The following CSMD1 variants were observed in gnomAD, a reference collection of about 807,000 sequenced individuals.
CSMD1 encodes CUB and sushi domain-containing protein 1.
In CSMD1, 213 loss-of-function variants were observed where a neutral mutation model predicts 417.5. That is an observed-to-expected ratio of 0.51 (90% CI 0.46 to 0.57). CSMD1 has a LOEUF of 0.57. CSMD1 is among the 20% of genes least tolerant of loss of function. The probability of loss-of-function intolerance (pLI) is 0.00; values close to 1 mark genes in which losing one functional copy is unlikely to be tolerated. For missense variants in CSMD1, 6,923 were observed against 4,529.7 expected (o/e 1.53, Z -15.17); for synonymous variants, 2,862 against 1,736.8 (o/e 1.65, Z -16.11).
intron 68 of CSMD1, among the ~76,000 whole-genome samples, chr8:2,947,580 A>G (rs1186092811): frequency 6.6e-6 from 1 of 152,216 alleles, no homozygotes; most frequent in African/African-American, 2.4e-5. Context: ...ATGCAAAGAA[A>G]ACGTGTAATA....
chr8:4,130,117 G>C (rs915429024), intron 3 of CSMD1, among the ~76,000 whole-genome samples: 3 of 152,114 alleles, frequency 2.0e-5, no homozygotes, highest in Non-Finnish European at 2.9e-5. Flanking sequence ...TCACCATGGA[G>C]TCACTGTCAG....
At chr8:4,914,017 T>C (rs1302382386) in intron 1 of CSMD1, among the ~76,000 whole-genome samples, 1 of 152,226 alleles carries the variant, frequency 6.6e-6, no homozygotes, top group Non-Finnish European at 1.5e-5. Context: ...GGTGTGATGC[T>C]GCAGTTTCTT....
intron 1 of CSMD1, among the ~76,000 whole-genome samples, chr8:4,898,307 C>A (rs935464987): frequency 6.6e-6 from 1 of 152,074 alleles, no homozygotes; most frequent in Non-Finnish European, 1.5e-5. Flanking sequence ...TTCCAAGACA[C>A]CTGTCATCTT....
At chr8:3,896,675 T>A (rs1241201760) in intron 5 of CSMD1, among the ~76,000 whole-genome samples, 1 of 151,940 alleles carries the variant, frequency 6.6e-6, no homozygotes, top group Non-Finnish European at 1.5e-5. Context: ...CCACACTGGC[T>A]AATTTTTCTT....
At chr8:4,499,654 G>A (rs568332291) in intron 2 of CSMD1, among the ~76,000 whole-genome samples, 1 of 152,218 alleles carries the variant, frequency 6.6e-6, no homozygotes, top group African/African-American at 2.4e-5. Context: ...CTGCGAGTAG[G>A]TATGTTATAA....
intron 3 of CSMD1, among the ~76,000 whole-genome samples, chr8:4,132,002 G>C (rs1198017757): frequency 1.3e-5 from 2 of 151,868 alleles, no homozygotes; most frequent in African/African-American, 2.4e-5. Context: ...CTGACCTCGT[G>C]ATCCCTGTGA....
intron 25 of CSMD1, among the ~76,000 whole-genome samples, chr8:3,304,295 C>G (rs1406991987): frequency 1.3e-5 from 2 of 152,056 alleles, no homozygotes; most frequent in Non-Finnish European, 2.9e-5. Context: ...GACTATGTTA[C>G]CATTGAAATA....
At chr8:3,968,889 T>C (rs537701887) in intron 5 of CSMD1, among the ~76,000 whole-genome samples, 11 of 152,220 alleles carry the variant, frequency 7.2e-5, no homozygotes, top group Non-Finnish European at 2.9e-5. Context: ...GAAAGATTCA[T>C]GTAATTCAGA....
At chr8:3,993,074 A>C (rs900373079) in intron 5 of CSMD1, among the ~76,000 whole-genome samples, 2 of 152,252 alleles carry the variant, frequency 1.3e-5, no homozygotes, top group African/African-American at 4.8e-5. Context: ...AAGGCAGAGG[A>C]AATCAAACAG....
chr8:4,879,524 C>G (rs1338869297), intron 1 of CSMD1, among the ~76,000 whole-genome samples: 1 of 151,980 alleles, frequency 6.6e-6, no homozygotes, highest in Non-Finnish European at 1.5e-5. Context: ...GACAGAAATA[C>G]ATAATTGGTA....
chr8:4,180,919 A>C (rs1168059483), intron 3 of CSMD1, among the ~76,000 whole-genome samples: 1 of 152,170 alleles, frequency 6.6e-6, no homozygotes, highest in African/African-American at 2.4e-5. Context: ...TAAATTTTCA[A>C]GGTGCCAAAA....
At chr8:3,733,487 G>C (rs185752483) in intron 6 of CSMD1, among the ~76,000 whole-genome samples, 10 of 151,864 alleles carry the variant, frequency 6.6e-5, no homozygotes, top group African/African-American at 7.2e-5. Context: ...AACGGTTTCA[G>C]TTACCCACGG....
At chr8:4,006,823 A>ATTTTTTTTTTT (rs759780050) in intron 4 of CSMD1, among the ~76,000 whole-genome samples, 1 of 95,978 alleles carries the variant, frequency 1.0e-5, no homozygotes, top group Non-Finnish European at 1.9e-5. Context: ...GACTTTTCCT[A>ATTTTTTTTTTT]TTTTTTTTTT....
At chr8:4,796,230 G>T (rs1213192343) in intron 1 of CSMD1, among the ~76,000 whole-genome samples, 1 of 151,952 alleles carries the variant, frequency 6.6e-6, no homozygotes, top group Non-Finnish European at 1.5e-5. Flanking sequence ...CCAAAAGCCT[G>T]CATGAAAATG....
At chr8:3,629,627 T>C (rs531444307) in intron 7 of CSMD1, among the ~76,000 whole-genome samples, 1 of 152,306 alleles carries the variant, frequency 6.6e-6, no homozygotes, top group East Asian at 1.9e-4. Flanking sequence ...ATGATTCCTA[T>C]ACTCAGGATT....
At chr8:3,653,706 T>C (rs2117400013) in intron 7 of CSMD1, among the ~76,000 whole-genome samples, 1 of 152,130 alleles carries the variant, frequency 6.6e-6, no homozygotes, top group East Asian at 1.9e-4. Flanking sequence ...GAAGCCTCCT[T>C]TGAGGAATGA....
chr8:3,239,972 G>A (rs1799392435), intron 26 of CSMD1, among the ~76,000 whole-genome samples: 1 of 151,666 alleles, frequency 6.6e-6, no homozygotes, highest in Non-Finnish European at 1.5e-5. Context: ...GGAGCAGAAA[G>A]TATATGTGTC....
rs112042501 is a variant in CSMD1 at position 4,111,059 on chromosome 8, C to T, written c.416-78960G>A. ...GGAAATAACTTAATAAACCTTGCAC[C>T]GCATGGAAAAATCTGGTAGAAATCT... On this transcript the variant is annotated intron_variant, in intron 3 of 69. Transcript: ENST00000635120. Among the ~76,000 whole-genome samples, 405 of 152,118 alleles carry T rather than the reference C, an allele frequency of 2.7e-3. 1 individual carries two copies. Among genetic ancestry groups the T allele is most frequent in the African/African-American group, 8.8e-3 (365 of 41,498 alleles).
At chr8:2,976,392 T>G (rs1242827446) in intron 55 of CSMD1, among the ~76,000 whole-genome samples, 1 of 152,148 alleles carries the variant, frequency 6.6e-6, no homozygotes, top group Non-Finnish European at 1.5e-5. Context: ...GAGATGGGGA[T>G]TTGTTTGCTG....
Sources: gnomAD v4.1 joint callset for allele counts (sites outside exome capture counted in the v4.1 genomes callset) on GRCh38, gnomAD v4.1.1 for gene constraint, MANE v1.5 for transcripts, NCBI Gene and HGNC (gene_info 2026-07-23, HGNC 2026-07-21) for gene names.